XIRP2: variants seen among roughly 807,000 people sequenced by gnomAD.
XIRP2 encodes the protein xin actin-binding repeat-containing protein 2.
A neutral mutation model predicts 277.0 loss-of-function variants in XIRP2; 236 were observed. That is an observed-to-expected ratio of 0.85 (90% CI 0.77 to 0.95). XIRP2 has a LOEUF of 0.95. Among genes scored for constraint, XIRP2 ranks in the 40% least tolerant of loss-of-function variants. XIRP2 has a pLI of 0.00. For synonymous variants in XIRP2, 1,490 were observed against 1,416.5 expected, an observed-to-expected ratio of 1.05 and a Z score of -1.17; for missense variants, 4,640 against 4,157.5, an observed-to-expected ratio of 1.12 and a Z score of -3.19.
intron 7 of XIRP2, 142 bp from the exon 8 acceptor site, chr2:167,241,635 C>A: frequency 1.1e-6 from 1 of 906,058 alleles, no homozygotes; most frequent in Non-Finnish European, 1.6e-6. Context: ...GTCTCACACC[C>A]TTGGGCTCAA....
chr2:167,118,807 T>C (rs1010666769), intron 2 of XIRP2, among the ~76,000 whole-genome samples: 16 of 152,166 alleles, frequency 1.1e-4, no homozygotes, highest in Non-Finnish European at 5.9e-5. Flanking sequence ...AGGTTATGAA[T>C]GTATAGATGG....
chr2:167,027,937 T>A (rs1688220056), intron 2 of XIRP2, among the ~76,000 whole-genome samples: 1 of 152,018 alleles, frequency 6.6e-6, no homozygotes, highest in Non-Finnish European at 1.5e-5. Flanking sequence ...AAGAAAATAG[T>A]CATGTCAATA....
At chr2:167,078,687 T>A (rs1056687861) in intron 2 of XIRP2, among the ~76,000 whole-genome samples, 5 of 151,844 alleles carry the variant, frequency 3.3e-5, no homozygotes, top group Non-Finnish European at 2.9e-5. Context: ...TTACAAAAAA[T>A]TAGCAAGGGC....
At chr2:167,153,139 C>A (rs1187738471) in intron 3 of XIRP2, among the ~76,000 whole-genome samples, 3 of 152,040 alleles carry the variant, frequency 2.0e-5, no homozygotes, top group African/African-American at 7.2e-5. Flanking sequence ...AATTTTACCA[C>A]AACCAAGAAA....
intron 2 of XIRP2, among the ~76,000 whole-genome samples, chr2:166,912,720 T>G (rs1684745316): frequency 6.6e-6 from 1 of 152,226 alleles, no homozygotes; most frequent in Admixed American, 6.5e-5. Flanking sequence ...TGCTGTTTTT[T>G]CCCCATCTTT....
chr2:167,162,870 T>A (rs766036559), intron 3 of XIRP2, among the ~76,000 whole-genome samples: 3 of 152,150 alleles, frequency 2.0e-5, no homozygotes, highest in Non-Finnish European at 2.9e-5. Flanking sequence ...ATTGTAACCA[T>A]ATATCTTAGT....
intron 2 of XIRP2, among the ~76,000 whole-genome samples, chr2:166,941,188 C>G (rs895918331): frequency 3.3e-5 from 5 of 152,172 alleles, no homozygotes; most frequent in African/African-American, 9.7e-5. Context: ...GCAGTTCAAT[C>G]TCAGATTGCT....
chr2:167,241,955 A>G (rs1190368018), intron 8 of XIRP2, 45 bp downstream of exon 8: 2 of 1,522,556 alleles, frequency 1.3e-6, no homozygotes, highest in African/African-American at 1.4e-5. Flanking sequence ...TGTAAGACCA[A>G]GCTTAAATGT....
chr2:166,938,515 C>G (rs7598009), intron 2 of XIRP2, among the ~76,000 whole-genome samples: 33,662 of 152,090 alleles, frequency 0.22, 4,486 homozygotes, highest in Non-Finnish European at 0.3. Flanking sequence ...TTACTTCCAA[C>G]TATGTGGTCA....
chr2:167,196,412 T>TTGTC (rs1553498348), intron 3 of XIRP2, among the ~76,000 whole-genome samples: 1 of 141,810 alleles, frequency 7.1e-6, no homozygotes, highest in Non-Finnish European at 1.5e-5. Context: ...GTCAAGAATT[T>TTGTC]TGTGTGTGTG....
At chr2:167,022,764 A>G (rs936200853) in intron 2 of XIRP2, among the ~76,000 whole-genome samples, 1 of 152,040 alleles carries the variant, frequency 6.6e-6, no homozygotes, top group Non-Finnish European at 1.5e-5. Flanking sequence ...CCATGTCCCT[A>G]CAAAGGACAT....
chr2:167,033,953 A>G (rs1688437230), intron 2 of XIRP2, among the ~76,000 whole-genome samples: 1 of 152,186 alleles, frequency 6.6e-6, no homozygotes, highest in Middle Eastern at 3.2e-3. Context: ...CACACTGGTA[A>G]TAGCAAGTAC....
intron 1 of XIRP2, among the ~76,000 whole-genome samples, chr2:166,899,957 G>A (rs149745468): frequency 3.0e-4 from 45 of 152,048 alleles, no homozygotes; most frequent in Non-Finnish European, 5.6e-4. Flanking sequence ...TGGGAGTAGC[G>A]ACTACCAGGA....
intron 2 of XIRP2, among the ~76,000 whole-genome samples, chr2:167,123,663 C>T (rs1201634523): frequency 2.6e-5 from 4 of 152,108 alleles, no homozygotes; most frequent in African/African-American, 7.2e-5. Flanking sequence ...TCTTCACATG[C>T]TCATTCCTCT....
At chr2:167,191,272 G>A (rs1192647288) in intron 3 of XIRP2, among the ~76,000 whole-genome samples, 1 of 151,754 alleles carries the variant, frequency 6.6e-6, no homozygotes, top group Admixed American at 6.6e-5. Flanking sequence ...TCAGTAACTA[G>A]TTCATTTAAT....
At chr2:167,004,497 C>A (rs1687454873) in intron 2 of XIRP2, among the ~76,000 whole-genome samples, 1 of 151,712 alleles carries the variant, frequency 6.6e-6, no homozygotes, top group African/African-American at 2.4e-5. Context: ...TCAGAAGGTA[C>A]CAGACCATAC....
intron 1 of XIRP2, among the ~76,000 whole-genome samples, chr2:166,891,776 A>G (rs987612601): frequency 1.3e-5 from 2 of 152,182 alleles, no homozygotes; most frequent in African/African-American, 4.8e-5. Context: ...AAGCATGAAA[A>G]TAAGTTAAAT....
chr2:167,245,642 A>T lies in XIRP2; in HGVS notation c.4250A>T (p.Asn1417Ile). The part of the protein sequence containing the change: ...MPSIDHIQGG[N>I]VKTSRQFFES... ...AGTATTGACCATATACAAGGTGGCA[A>T]TGTAAAGACAAGTAGACAATTCTTT... is the stretch of plus-strand genomic sequence containing the variant. Residue 1417 changes from asparagine (N) to isoleucine (I), a missense_variant, in exon 9 of 11, where the codon AAT becomes ATT. By Grantham distance (149) the Asn-to-Ile change is moderately radical (BLOSUM62 -3). Coordinates refer to ENST00000409195, the MANE Select transcript of XIRP2 (RefSeq NM_152381.6). The T allele has an allele frequency of 6.2e-7, 1 of 1,613,638 alleles. No homozygotes were observed. Among genetic ancestry groups the T allele is most frequent in the Middle Eastern group, 1.7e-4 (1 of 6,058 alleles).
intron 2 of XIRP2, among the ~76,000 whole-genome samples, chr2:166,948,474 C>T (rs1685941312): frequency 6.6e-6 from 1 of 152,000 alleles, no homozygotes; most frequent in African/African-American, 2.4e-5. Context: ...AACAAAGACC[C>T]TTGGAGAAGA....
Sources: allele counts gnomAD v4.1 joint callset (sites outside exome capture counted in the v4.1 genomes callset), GRCh38; gene constraint gnomAD v4.1.1; transcripts MANE v1.5; gene names NCBI Gene and HGNC (gene_info 2026-07-23, HGNC 2026-07-21).